TJP2: variants seen among roughly 807,000 people sequenced by gnomAD.
TJP2 encodes Friedreich ataxia region gene X104 (tight junction protein ZO-2).
TJP2 carries 91 observed loss-of-function variants against 133.1 expected under a neutral mutation model. The observed-to-expected ratio is 0.68, with a 90% confidence interval of 0.58 to 0.81. The LOEUF is 0.81. TJP2 is among the 40% of genes least tolerant of loss of function. The pLI is 0.00. For missense variants in TJP2, 1,541 were observed against 1,565.6 expected, an observed-to-expected ratio of 0.98 and a Z score of 0.26; for synonymous variants, 592 against 583.4, an observed-to-expected ratio of 1.01 and a Z score of -0.21.
chr9:69,198,840 T>G (rs11792709), intron 1 of TJP2, among the ~76,000 whole-genome samples: 56 of 152,374 alleles, frequency 3.7e-4, no homozygotes, highest in Non-Finnish European at 6.2e-4. Flanking sequence ...AAAGTATTGT[T>G]GGATGCGGTG....
intron 2 of TJP2, among the ~76,000 whole-genome samples, chr9:69,163,399 G>A (rs1824190047): frequency 1.3e-5 from 2 of 152,046 alleles, no homozygotes; most frequent in African/African-American, 4.8e-5. Context: ...ACTTTGGGAG[G>A]CCAAGGCAGG....
chr9:69,132,752 G>A (rs1396655837), intron 1 of TJP2, among the ~76,000 whole-genome samples: 2 of 152,156 alleles, frequency 1.3e-5, no homozygotes, highest in African/African-American at 4.8e-5. Flanking sequence ...GAGGAAAGGG[G>A]CAGTTAAATT....
upstream of TJP2, chr9:69,173,923 G>C: frequency 2.0e-6 from 2 of 983,132 alleles, no homozygotes; most frequent in Non-Finnish European, 2.4e-6. Context: ...GCTTGCTCCA[G>C]TGCACGCCGC....
intron 1 of TJP2, among the ~76,000 whole-genome samples, chr9:69,137,223 TTCC>T (rs201044145): frequency 0.016 from 2,124 of 133,952 alleles, 79 homozygotes; most frequent in African/African-American, 0.056. Context: ...TTTGTTTTCT[TTCC>T]TTCTTTCTTT....
At chr9:69,161,637 T>G (rs1383420104) in intron 2 of TJP2, among the ~76,000 whole-genome samples, 1 of 152,112 alleles carries the variant, frequency 6.6e-6, no homozygotes, top group African/African-American at 2.4e-5. Flanking sequence ...CTGTCAATCT[T>G]GGGGTAACAT....
At chr9:69,180,732 T>C (rs1587986128) in intron 1 of TJP2, among the ~76,000 whole-genome samples, 1 of 152,214 alleles carries the variant, frequency 6.6e-6, no homozygotes, top group Non-Finnish European at 1.5e-5. Flanking sequence ...TTTCTGTTTT[T>C]GAAAGGAATG....
At chr9:69,190,733 T>C (rs4237276) in intron 1 of TJP2, among the ~76,000 whole-genome samples, 137,356 of 152,262 alleles carry the variant, frequency 0.9, 62,066 homozygotes, top group Middle Eastern at 0.95. Context: ...TCCCTGCACA[T>C]CAGTCTTCTG....
Position 69,174,283 on chromosome 9 carries a change from C to G in TJP2, c.-90C>G. ...GGCGGTTGGGCTGCGGGTCAGAGCA[C>G]TGTCCGGTGGTGCCCAGGAGGAGTA... is the stretch of plus-strand genomic sequence containing the variant. On this transcript the variant is annotated 5_prime_UTR_variant, in exon 1 of 23. Transcript: ENST00000377245. The G allele has an allele frequency of 6.5e-7, 1 of 1,548,104 alleles. No homozygotes were observed. Among genetic ancestry groups the G allele is most frequent in the Non-Finnish European group, 8.7e-7 (1 of 1,145,516 alleles).
At chr9:69,239,078 A>G (rs1374063155) in intron 16 of TJP2, among the ~76,000 whole-genome samples, 1 of 152,140 alleles carries the variant, frequency 6.6e-6, no homozygotes, top group Non-Finnish European at 1.5e-5. Flanking sequence ...AGTCCCAGCC[A>G]CTCAGGAGGC....
chr9:69,123,401 A>G (rs565790729), intron 1 of TJP2, among the ~76,000 whole-genome samples: 2 of 77,028 alleles, frequency 2.6e-5, no homozygotes, highest in East Asian at 3.9e-4. Flanking sequence ...GAACTTTTTC[A>G]TCATCCCAAA....
At chr9:69,198,870 C>T (rs1192792656) in intron 1 of TJP2, among the ~76,000 whole-genome samples, 1 of 152,166 alleles carries the variant, frequency 6.6e-6, no homozygotes, top group Non-Finnish European at 1.5e-5. Context: ...TTATTGCTAC[C>T]AAGAGGGGTT....
chr9:69,180,447 T>C (rs887794881), intron 1 of TJP2, among the ~76,000 whole-genome samples: 2 of 152,180 alleles, frequency 1.3e-5, no homozygotes, highest in African/African-American at 4.8e-5. Context: ...GGGGAAATAA[T>C]GTTCCACTTG....
chr9:69,250,227 C>T (rs1311697552), intron 20 of TJP2, among the ~76,000 whole-genome samples: 1 of 152,140 alleles, frequency 6.6e-6, no homozygotes, highest in Non-Finnish European at 1.5e-5. Flanking sequence ...CTCAGCCTCC[C>T]GAGTAGCTGG....
intron 2 of TJP2, among the ~76,000 whole-genome samples, chr9:69,153,414 C>T (rs1447891543): frequency 6.6e-6 from 1 of 152,068 alleles, no homozygotes; most frequent in African/African-American, 2.4e-5. Context: ...GAAACCCCAT[C>T]TCTGCAAAAA....
At position 69,183,951 on chromosome 9, in the gene TJP2, G is replaced by T. The variant is rs181754915; in HGVS notation, c.60+9519G>T. On this transcript the variant is annotated intron_variant, in intron 1 of 22. Transcript: ENST00000377245. ...GTTTCTCTTCAACTCCTGAGTTCAA[G>T]CAGTCTGCCCACCTTGGCCTCCCAA... is the stretch of plus-strand genomic sequence containing the variant. 2.2e-3 allele frequency among the ~76,000 whole-genome samples: 332 copies of T among 152,216 alleles called. 2 individuals are homozygous for T. The highest frequency in any genetic ancestry group is 7.7e-3 in the African/African-American group (321 of 41,534).
chr9:69,190,669 T>C (rs974489103), intron 1 of TJP2, among the ~76,000 whole-genome samples: 1 of 152,188 alleles, frequency 6.6e-6, no homozygotes, highest in Non-Finnish European at 1.5e-5. Flanking sequence ...AATTGAGATG[T>C]GTGTGTGCCT....
At chr9:69,224,408 T>G (rs1453736576) in intron 5 of TJP2, among the ~76,000 whole-genome samples, 1 of 152,210 alleles carries the variant, frequency 6.6e-6, no homozygotes, top group Non-Finnish European at 1.5e-5. Context: ...CCAGGCGCAG[T>G]GGCTCACACC....
In TJP2 at chr9:69,181,689, C is replaced by G. The variant is rs118115142; in HGVS notation, c.60+7257C>G. On this transcript the variant is annotated intron_variant, in intron 1 of 22. Transcript: ENST00000377245. ...AATTATTTCCATTGGTTCTTCTCAT[C>G]TTAAAATGTTTTTGTGCTCCTTAAA... Among the ~76,000 whole-genome samples, 6 of 151,730 alleles carry G rather than the reference C, an allele frequency of 4.0e-5. No homozygotes were observed. The East Asian group carries it at 9.7e-4, about 24-fold the overall frequency.
intron 11 of TJP2, among the ~76,000 whole-genome samples, chr9:69,234,012 T>C (rs1390297123): frequency 6.6e-6 from 1 of 152,212 alleles, no homozygotes; most frequent in African/African-American, 2.4e-5. Context: ...TTAGTGTAAA[T>C]GCTGGGCCAG....
Sources: gnomAD v4.1 joint callset for allele counts (sites outside exome capture counted in the v4.1 genomes callset) on GRCh38, gnomAD v4.1.1 for gene constraint, MANE v1.5 for transcripts, NCBI Gene and HGNC (gene_info 2026-07-23, HGNC 2026-07-21) for gene names.